The following RBM46 variants were observed in gnomAD, a reference collection of about 807,000 sequenced individuals.
RBM46 encodes RNA binding motif protein 46.
In RBM46, 12 loss-of-function variants were observed where a neutral mutation model predicts 43.3. The ratio of observed to expected loss-of-function variants is 0.28; its 90% CI spans 0.18 to 0.45. The LOEUF is 0.45. Among genes scored for constraint, RBM46 ranks in the 20% least tolerant of loss-of-function variants. The pLI is 1.00. For synonymous variants in RBM46, 205 were observed against 207.6 expected, an observed-to-expected ratio of 0.99 and a Z score of 0.11; for missense variants, 412 against 639.1, an observed-to-expected ratio of 0.64 and a Z score of 3.83.
At chr4:154,785,641 A>G (rs991660048) in intron 1 of RBM46, among the ~76,000 whole-genome samples, 1 of 152,160 alleles carries the variant, frequency 6.6e-6, no homozygotes, top group Non-Finnish European at 1.5e-5. Flanking sequence ...GTTTAAAAAA[A>G]TACAAATGTC....
chr4:154,794,568 A>G (rs528908345), intron 1 of RBM46, among the ~76,000 whole-genome samples: 70 of 152,288 alleles, frequency 4.6e-4, no homozygotes, highest in African/African-American at 1.6e-3. Context: ...CTCAGAATCT[A>G]TAGTAGCTCC....
intron 4 of RBM46, chr4:154,827,058 G>T: frequency 8.5e-7 from 1 of 1,175,218 alleles, no homozygotes; most frequent in Non-Finnish European, 1.0e-6. Context: ...GAAGGTACAG[G>T]ATTTAAAAAT....
rs202040835 is a variant in RBM46 at position 154,798,192 on chromosome 4, C to A, written c.533C>A (p.Thr178Asn). The A allele has an allele frequency of 2.2e-5, 35 of 1,613,162 alleles. No individual in the cohort carries two copies. In the Admixed American group the frequency reaches 3.0e-4, roughly 14 times the overall value. The change falls in exon 3 of 5, where the codon ACT (threonine) becomes AAT (asparagine). Residue 178 changes from threonine (T) to asparagine (N), a missense_variant. Transcript: ENST00000281722. ...VVDVIVYPSA[T>N]DKTKNRGFAF... is the part of the protein sequence containing the mutation. The stretch of plus-strand genomic sequence containing the variant: ...GATGTCATTGTTTATCCAAGTGCAA[C>A]TGATAAGACCAAAAATCGTGGTTTT...
intron 4 of RBM46, among the ~76,000 whole-genome samples, chr4:154,819,879 G>A (rs1240966303): frequency 6.6e-6 from 1 of 152,074 alleles, no homozygotes; most frequent in African/African-American, 2.4e-5. Context: ...CTGTTGGGAA[G>A]AAAGATTTAA....
chr4:154,789,811 T>C (rs1438291616), intron 1 of RBM46, among the ~76,000 whole-genome samples: 3 of 152,172 alleles, frequency 2.0e-5, no homozygotes, highest in African/African-American at 7.2e-5. Context: ...TCCTGGACTT[T>C]TTTTGGTTGG....
Position 154,799,331 on chromosome 4 carries a change from A to G in RBM46, c.1169A>G (p.His390Arg), listed in dbSNP as rs978237011. 1.9e-6 allele frequency: 3 copies of G among 1,614,182 alleles called. No homozygotes were observed. The highest frequency in any genetic ancestry group is 2.5e-6 in the Non-Finnish European group (3 of 1,180,020). ...PISMYSLKSN[H>R]FNSAVMHLDY... ...AGTATGTATTCTTTAAAATCCAATCATTTTAATTCTGCAGTAATGCATTTG... is the reference window on the plus strand; with the variant it reads ...AGTATGTATTCTTTAAAATCCAATCGTTTTAATTCTGCAGTAATGCATTTG... Residue 390 changes from histidine to arginine, a missense_variant, in exon 4 of 5, where the codon CAT becomes CGT. Physicochemically the swap from His to Arg is conservative, Grantham distance 29 (BLOSUM62 0). Coordinates refer to ENST00000281722, the MANE Select transcript of RBM46 (RefSeq NM_144979.5).
rs1385896460 is a variant in RBM46 at position 154,789,362 on chromosome 4, T to C, written c.-11-7380T>C. ...AGATACGTCCCATCAATACCTAATT[T>C]ATTGAGAGTTTTTAGCATGGAGGGC... is the stretch of plus-strand genomic sequence containing the variant. On this transcript the variant is annotated intron_variant, in intron 1 of 4. Transcript: ENST00000281722. 2.0e-5 allele frequency among the ~76,000 whole-genome samples: 3 copies of C among 152,222 alleles called. No individual in the cohort carries two copies. In the East Asian group the frequency reaches 5.8e-4, roughly 29 times the overall value.
intron 4 of RBM46, among the ~76,000 whole-genome samples, chr4:154,812,847 T>A (rs1560908547): frequency 6.6e-6 from 1 of 152,194 alleles, no homozygotes; most frequent in Non-Finnish European, 1.5e-5. Flanking sequence ...GCCTTTCCCA[T>A]TGCTGTGCAC....
intron 1 of RBM46, among the ~76,000 whole-genome samples, chr4:154,789,593 T>C (rs920202688): frequency 2.6e-5 from 4 of 152,154 alleles, no homozygotes; most frequent in South Asian, 4.1e-4. Flanking sequence ...TTAGTGAGGA[T>C]TTTTGCATCA....
rs17032083 is a variant in RBM46 at position 154,827,109 on chromosome 4, T to A, written c.1403-759T>A. 1.8e-4 allele frequency: 192 copies of A among 1,048,508 alleles called. 2 individuals carry two copies. In the East Asian group the frequency reaches 9.1e-3, roughly 50 times the overall value. The allele number at this position is 1,048,508 out of a possible 1,614,324, so 65.0% of individuals were successfully genotyped here. A position where few individuals can be genotyped will look rare whatever the true frequency, so the allele number is the denominator to read the frequency against. ...CACACACACATATAAATGTTGCAGT[T>A]AATGAAACAGGAAATTATTGATGCA... On this transcript the variant is annotated intron_variant, in intron 4 of 4. Transcript: ENST00000281722.
chr4:154,809,135 A>G (rs1578931264), intron 4 of RBM46, among the ~76,000 whole-genome samples: 1 of 152,192 alleles, frequency 6.6e-6, no homozygotes. Flanking sequence ...TCTCACTAAT[A>G]TACTAGTGTT....
intron 1 of RBM46, among the ~76,000 whole-genome samples, chr4:154,786,861 A>T (rs774178489): frequency 1.3e-5 from 2 of 152,174 alleles, no homozygotes; most frequent in Non-Finnish European, 2.9e-5. Context: ...TGGGGGGTGG[A>T]GGTTGCAGTG....
intron 4 of RBM46, among the ~76,000 whole-genome samples, chr4:154,824,724 A>T (rs550641689): frequency 1.3e-5 from 2 of 152,214 alleles, no homozygotes; most frequent in Admixed American, 6.5e-5. Flanking sequence ...TTTGTAACTA[A>T]TTTTTTATTG....
chr4:154,789,395 T>C (rs10029776), intron 1 of RBM46, among the ~76,000 whole-genome samples: 24,857 of 152,186 alleles, frequency 0.16, 2,635 homozygotes, highest in East Asian at 0.44. Flanking sequence ...GGCTGTTGAA[T>C]TTTGTCAAAG....
rs1281493913 is a variant in RBM46 at position 154,805,598 on chromosome 4, G to C, written c.1402+6034G>C. On this transcript the variant is annotated intron_variant, in intron 4 of 4. Coordinates refer to ENST00000281722, the MANE Select transcript of RBM46 (RefSeq NM_144979.5). ...ATTTGTTGTTGAAAGTTACACTTTT[G>C]TGAAAGTATACTATTGTGAGAAGTT... is the stretch of plus-strand genomic sequence containing the variant. Among the ~76,000 whole-genome samples, 5 of 151,682 alleles carry C rather than the reference G, an allele frequency of 3.3e-5. No individual in the cohort carries two copies. In the East Asian group the frequency reaches 7.7e-4, roughly 23 times the overall value.
intron 4 of RBM46, chr4:154,826,823 G>C: frequency 2.0e-6 from 3 of 1,521,662 alleles, no homozygotes; most frequent in Non-Finnish European, 2.6e-6. Context: ...ATTCCTGTTG[G>C]CTAAACATTA....
intron 1 of RBM46, among the ~76,000 whole-genome samples, chr4:154,792,516 A>T (rs1412571098): frequency 6.6e-6 from 1 of 152,172 alleles, no homozygotes; most frequent in Non-Finnish European, 1.5e-5. Flanking sequence ...AGGGGTCTGC[A>T]TGGTGCTTTG....
In RBM46 at chr4:154,798,914, C is replaced by T; in HGVS notation, c.752C>T (p.Thr251Ile). The T allele has an allele frequency of 1.2e-6, 2 of 1,613,222 alleles. No homozygotes were observed. Among genetic ancestry groups the T allele is most frequent in the Non-Finnish European group, 1.7e-6 (2 of 1,179,720 alleles). The change falls in exon 4 of 5, where the codon ACA (threonine) becomes ATA (isoleucine). Residue 251 changes from threonine (T) to isoleucine (I), a missense_variant. By Grantham distance (89) the Thr-to-Ile change is moderately conservative (BLOSUM62 -1). Around this residue, in one of 8 missense-constraint regions of RBM46, gnomAD observed 54 missense variants for 102.5 expected, o/e 0.53. Coordinates refer to ENST00000281722, the MANE Select transcript of RBM46 (RefSeq NM_144979.5). Reference protein sequence around the residue: ...RNLMISTTEETIKAEFNKFKP... With the variant: ...RNLMISTTEEIIKAEFNKFKP... ...TTAATGATCTCAACTACAGAGGAAA[C>T]AATTAAAGCAGAATTCAATAAATTT...
At chr4:154,815,104 T>G (rs1047429327) in intron 4 of RBM46, among the ~76,000 whole-genome samples, 7 of 152,102 alleles carry the variant, frequency 4.6e-5, no homozygotes, top group African/African-American at 1.7e-4. Context: ...TCATCTTGTC[T>G]GGCTTCTTTT....
Sources: allele counts gnomAD v4.1 joint callset (sites outside exome capture counted in the v4.1 genomes callset), GRCh38; gene constraint gnomAD v4.1.1; regional missense constraint gnomAD v4.1.1; transcripts MANE v1.5; gene names NCBI Gene and HGNC (gene_info 2026-07-23, HGNC 2026-07-21).